Variants in ME3 observed in about 807,000 individuals in gnomAD.
ME3 encodes NADP-dependent malic enzyme, mitochondrial.
ME3 carries 48 observed loss-of-function variants against 68.9 expected under a neutral mutation model. That is an observed-to-expected ratio of 0.70 (90% CI 0.55 to 0.89). The LOEUF is 0.89. ME3 is among the 40% of genes least tolerant of loss of function. The pLI, the probability that ME3 is intolerant of heterozygous loss-of-function variation, is 0.00. For missense variants in ME3, 675 were observed against 797.4 expected (o/e 0.85, Z 1.85); for synonymous variants, 320 against 318.8 (o/e 1.00, Z -0.04).
chr11:86,612,035 A>G (rs943154821), intron 2 of ME3, among the ~76,000 whole-genome samples: 2 of 152,084 alleles, frequency 1.3e-5, no homozygotes, highest in African/African-American at 4.8e-5. Flanking sequence ...TGCTGCACCT[A>G]TTGACCCATC....
intron 2 of ME3, among the ~76,000 whole-genome samples, chr11:86,664,653 G>A (rs1257208820): frequency 2.6e-5 from 4 of 152,114 alleles, no homozygotes; most frequent in Non-Finnish European, 5.9e-5. Flanking sequence ...CAGAAATTCC[G>A]AGCAGGGATG....
chr11:86,500,097 ACCT>A (rs1952617860), intron 5 of ME3, among the ~76,000 whole-genome samples: 3 of 151,840 alleles, frequency 2.0e-5, no homozygotes, highest in Non-Finnish European at 4.4e-5. Context: ...CCTGCATCTG[ACCT>A]CCTCTTGGTA....
intron 2 of ME3, among the ~76,000 whole-genome samples, chr11:86,587,346 C>T (rs551128571): frequency 6.6e-6 from 1 of 152,282 alleles, no homozygotes; most frequent in East Asian, 1.9e-4. Context: ...TGCAGGCAGG[C>T]CCAGGTCAAG....
exon 5 of ME3, chr11:86,508,862 A>C (rs1024852402): frequency 1.2e-6 from 2 of 1,612,644 alleles, no homozygotes; most frequent in Non-Finnish European, 1.7e-6. Flanking sequence ...GGTGATGAAC[A>C]GTCCACTAAA....
intron 8 of ME3, chr11:86,457,496 CA>C: frequency 9.6e-7 from 1 of 1,042,862 alleles, no homozygotes; most frequent in African/African-American, 1.7e-5. Context: ...GCTATTTCTG[CA>C]CTTGGTACAG....
intron 4 of ME3, among the ~76,000 whole-genome samples, chr11:86,536,164 A>G (rs1425758504): frequency 6.6e-6 from 1 of 152,240 alleles, no homozygotes. Flanking sequence ...ACTTGGCAGC[A>G]TTGTATTTGA....
chr11:86,630,392 G>A (rs574947253), intron 2 of ME3, among the ~76,000 whole-genome samples: 1 of 152,254 alleles, frequency 6.6e-6, no homozygotes, highest in South Asian at 2.1e-4. Flanking sequence ...AGTGGGTTTG[G>A]TCTCCAGAGC....
intron 13 of ME3, among the ~76,000 whole-genome samples, chr11:86,445,032 T>G (rs1270012876): frequency 2.6e-5 from 4 of 152,114 alleles, no homozygotes. Context: ...GGATGTCCCA[T>G]GGTATTATAT....
chr11:86,584,954 C>A (rs1958646561), intron 2 of ME3, among the ~76,000 whole-genome samples: 1 of 151,996 alleles, frequency 6.6e-6, no homozygotes, highest in East Asian at 1.9e-4. Flanking sequence ...ATGTTCTCAC[C>A]ACAGTGAAAA....
At chr11:86,441,490 CT>C (rs1474113168) in intron 14 of ME3, 50 bp from the exon 15 acceptor site, 5 of 1,498,222 alleles carry the variant, frequency 3.3e-6, no homozygotes, top group African/African-American at 1.4e-5. Context: ...GGGAAACCTG[CT>C]TAAGGATCCT....
intron 2 of ME3, among the ~76,000 whole-genome samples, chr11:86,630,374 G>A (rs1943936703): frequency 6.6e-6 from 1 of 152,110 alleles, no homozygotes; most frequent in Admixed American, 6.5e-5. Flanking sequence ...GCCTGAGCTG[G>A]ACACCTGAGT....
At chr11:86,570,495 C>T (rs1957731293) in intron 2 of ME3, among the ~76,000 whole-genome samples, 1 of 152,226 alleles carries the variant, frequency 6.6e-6, no homozygotes, top group South Asian at 2.1e-4. Flanking sequence ...TTTATGAGAG[C>T]CCCTGAGCAC....
chr11:86,464,222 T>C lies in ME3; in HGVS notation c.919+869A>G, dbSNP rs116316580. ...TTTCCACCTGACATGGATCTTTGAT[T>C]TTTAAAAGATTGCTTGGCAAACTTC... On this transcript the variant is annotated intron_variant, in intron 8 of 14. Coordinates refer to ENST00000543262, the Ensembl canonical transcript of ME3. 6.6e-3 allele frequency: 2,242 copies of C among 341,986 alleles called. 50 individuals carry two copies. Among genetic ancestry groups the C allele is most frequent in the African/African-American group, 0.042 (1,947 of 46,154 alleles). 21.2% of individuals were successfully genotyped at this position (341,986 alleles called of 1,614,324 possible).
intron 2 of ME3, among the ~76,000 whole-genome samples, chr11:86,598,609 G>C (rs1351844034): frequency 6.6e-6 from 1 of 152,062 alleles, no homozygotes; most frequent in East Asian, 1.9e-4. Context: ...GGTTCTCCCA[G>C]CATGCAGCTG....
chr11:86,519,164 A>G (rs1257843614), intron 4 of ME3, among the ~76,000 whole-genome samples: 1 of 152,212 alleles, frequency 6.6e-6, no homozygotes, highest in Non-Finnish European at 1.5e-5. Flanking sequence ...TGATATCACA[A>G]TTCCTTCCCT....
chr11:86,568,153 C>T (rs1957591231), intron 2 of ME3, among the ~76,000 whole-genome samples: 1 of 152,172 alleles, frequency 6.6e-6, no homozygotes, highest in African/African-American at 2.4e-5. Flanking sequence ...TTCTCACAGT[C>T]ATATTTTAAC....
intron 8 of ME3, among the ~76,000 whole-genome samples, chr11:86,464,517 A>G (rs1388709767): frequency 6.6e-6 from 1 of 152,248 alleles, no homozygotes; most frequent in African/African-American, 2.4e-5. Flanking sequence ...TCTCAGGGTC[A>G]TTATGAGCAA....
intron 4 of ME3, among the ~76,000 whole-genome samples, chr11:86,545,597 C>CGTAT (rs1956312809): frequency 6.6e-6 from 1 of 152,042 alleles, no homozygotes; most frequent in Admixed American, 6.5e-5. Context: ...CCTAGAAATA[C>CGTAT]GACTTACAAG....
chr11:86,666,348 C>T (rs1223410975), intron 2 of ME3, among the ~76,000 whole-genome samples: 1 of 152,182 alleles, frequency 6.6e-6, no homozygotes, highest in Non-Finnish European at 1.5e-5. Flanking sequence ...AAAATGCATA[C>T]TGGATGGCAG....
Sources: gnomAD v4.1 joint callset for allele counts (sites outside exome capture counted in the v4.1 genomes callset) on GRCh38, gnomAD v4.1.1 for gene constraint, MANE v1.5 for transcripts, NCBI Gene and HGNC (gene_info 2026-07-23, HGNC 2026-07-21) for gene names.